The following GJB6 variants were observed in gnomAD, a reference collection of about 807,000 sequenced individuals.
GJB6 encodes gap junction beta-6 protein.
A neutral mutation model predicts 5.4 loss-of-function variants in GJB6; 5 were observed. The observed-to-expected ratio is 0.92, with a 90% CI of 0.48 to 1.93. The LOEUF (loss-of-function observed/expected upper bound fraction) is 1.93. Ranked by LOEUF, GJB6 falls within the 30% of genes most tolerant of loss-of-function variation. GJB6 has a pLI of 0.01. For missense variants in GJB6, 298 were observed against 326.9 expected, an observed-to-expected ratio of 0.91 and a Z score of 0.68; for synonymous variants, 136 against 129.6, an observed-to-expected ratio of 1.05 and a Z score of -0.34.
At position 20,224,872 on chromosome 13, in the gene GJB6, G is replaced by T. The variant is rs535241689; in HGVS notation, c.-15-1377C>A. ...TCTTAGACTTTCTTATCCCTGAGTGGGTGAGGGACACCTGTCAGCCTCCCC... is the reference window on the plus strand; with the variant it reads ...TCTTAGACTTTCTTATCCCTGAGTGTGTGAGGGACACCTGTCAGCCTCCCC... On this transcript the variant is annotated intron_variant, in intron 4 of 4. Transcript: ENST00000647029. Among the ~76,000 whole-genome samples, 3 of 152,162 alleles carry T rather than the reference G, an allele frequency of 2.0e-5. No homozygotes were observed. The South Asian group carries it at 6.2e-4, about 32-fold the overall frequency.
At chr13:20,231,710 C>G (rs908077927) in intron 1 of GJB6, among the ~76,000 whole-genome samples, 1 of 152,200 alleles carries the variant, frequency 6.6e-6, no homozygotes, top group Admixed American at 6.5e-5. Flanking sequence ...GGGGACACCC[C>G]GGTGACCCAC....
rs2137333664 is a variant in GJB6, at chr13:20,223,258, G to A, written c.223C>T (p.Arg75Trp). The A allele has an allele frequency of 1.2e-6, 2 of 1,611,762 alleles. No homozygotes were observed. Among genetic ancestry groups the A allele is most frequent in the Non-Finnish European group, 1.7e-6 (2 of 1,177,926 alleles). Residue 75 changes from arginine to tryptophan, a missense_variant, in exon 5 of 5, where the codon CGG becomes TGG. Physicochemically the swap from Arg to Trp is moderately radical, Grantham distance 101. Coordinates refer to ENST00000647029, the MANE Select transcript of GJB6 (RefSeq NM_001110219.3). The part of the protein sequence containing the change: ...YDHFFPVSHI[R>W]LWALQLIFVS... ...AAGATCAGCTGGAGGGCCCACAGCC[G>A]GATGTGGGACACCGGGAAAAAGTGG...
At position 20,232,251 on chromosome 13, in the gene GJB6, CG is replaced by C. The variant is rs1870141736; in HGVS notation, c.-478del. Reference sequence around the variant, plus strand: ...CTGCGCGGGGCGGCGCCCTTCGCTCCGGCTGGGCAGGCAGGTCGGGCTCGGG... The same window carrying C: ...CTGCGCGGGGCGGCGCCCTTCGCTCCGCTGGGCAGGCAGGTCGGGCTCGGG... On this transcript the variant is annotated 5_prime_UTR_variant, in exon 1 of 5. Transcript: ENST00000647029. 1 of 152,014 alleles carries C rather than the reference CG, an allele frequency of 6.6e-6. No homozygotes were observed. 9.4% of individuals were successfully genotyped at this position (152,014 alleles called of 1,614,324 possible). A position where few individuals can be genotyped will look rare whatever the true frequency, so the allele number is the denominator to read the frequency against.
intron 4 of GJB6, among the ~76,000 whole-genome samples, chr13:20,227,352 C>T (rs550167590): frequency 2.0e-5 from 3 of 152,018 alleles, no homozygotes; most frequent in East Asian, 3.9e-4. Flanking sequence ...AAGGAGATGC[C>T]GAGCTTGCTG....
chr13:20,228,754 G>A (rs936923975), intron 4 of GJB6, among the ~76,000 whole-genome samples: 5 of 151,838 alleles, frequency 3.3e-5, no homozygotes, highest in Non-Finnish European at 5.9e-5. Flanking sequence ...AAAGTGCTGG[G>A]ATTACAAGCA....
chr13:20,226,918 C>G (rs923149397), intron 4 of GJB6, among the ~76,000 whole-genome samples: 4 of 152,160 alleles, frequency 2.6e-5, no homozygotes, highest in Non-Finnish European at 5.9e-5. Flanking sequence ...TTCTCTAGCC[C>G]GTGGCCTGCC....
At position 20,223,183 on chromosome 13, in the gene GJB6, G is replaced by A. The variant is rs767824100; in HGVS notation, c.298C>T (p.His100Tyr). The A allele has an allele frequency of 6.2e-7, 1 of 1,612,956 alleles. No homozygotes were observed. Among genetic ancestry groups the A allele is most frequent in the East Asian group, 2.2e-5 (1 of 44,870 alleles). Residue 100 changes from histidine to tyrosine, a missense_variant, in exon 5 of 5, where the codon CAC (histidine) becomes TAC (tyrosine). By Grantham distance (83) the His-to-Tyr change is moderately conservative. Transcript: ENST00000647029. ...LVAMHVAYYR[H>Y]ETTRKFRRGE... The stretch of plus-strand genomic sequence containing the variant: ...CGCCTGAACTTGCGAGTGGTTTCGT[G>A]CCTGTAGTAGGCCACATGCATGGCC...
chr13:20,228,544 C>A (rs755428997), intron 4 of GJB6, among the ~76,000 whole-genome samples: 1 of 150,916 alleles, frequency 6.6e-6, no homozygotes, highest in Non-Finnish European at 1.5e-5. Context: ...AGTACCGTGG[C>A]ACGATCTCGG....
At position 20,226,180 on chromosome 13, in the gene GJB6, G is replaced by T. The variant is rs111268675; in HGVS notation, c.-15-2685C>A. Among the ~76,000 whole-genome samples, 858 of 152,204 alleles carry T rather than the reference G, an allele frequency of 5.6e-3. 15 individuals are homozygous for T. The highest frequency in any genetic ancestry group is 0.019 in the African/African-American group (770 of 41,522). ...ACACTAGCTTGAGGAAGACGCTGAG[G>T]CACAGGGCGGTGACCCTGGAATGTG... is the stretch of plus-strand genomic sequence containing the variant. On this transcript the variant is annotated intron_variant, in intron 4 of 4. Transcript: ENST00000647029.
chr13:20,223,908 G>A lies in GJB6; in HGVS notation c.-15-413C>T, dbSNP rs1365906866. On this transcript the variant is annotated intron_variant, in intron 4 of 4. Transcript: ENST00000647029. ...GGCGTGAACCAGGGAGGTGGAGCTT[G>A]CAGTGAGCCGAGATTGCACCACTGC... is the stretch of plus-strand genomic sequence containing the variant. Among the ~76,000 whole-genome samples the A allele has an allele frequency of 3.3e-5, 5 of 152,000 alleles. No homozygotes were observed. The East Asian group carries it at 9.6e-4, about 29-fold the overall frequency.
At chr13:20,228,546 C>G (rs927099257) in intron 4 of GJB6, among the ~76,000 whole-genome samples, 56 of 151,410 alleles carry the variant, frequency 3.7e-4, no homozygotes, top group African/African-American at 1.3e-3. Context: ...TACCGTGGCA[C>G]GATCTCGGCT....
intron 3 of GJB6, 52 bp from the exon 4 acceptor site, chr13:20,229,801 C>A (rs1381406940): frequency 9.3e-6 from 1 of 106,994 alleles, no homozygotes. Context: ...CTCCCCCCCC[C>A]CCCGCCCCCC....
intron 4 of GJB6, among the ~76,000 whole-genome samples, chr13:20,224,876 A>G (rs986367832): frequency 1.3e-5 from 2 of 152,232 alleles, no homozygotes; most frequent in East Asian, 3.9e-4. Context: ...TGAGTGGGTG[A>G]GGGACACCTG....
At position 20,229,123 on chromosome 13, in the gene GJB6, C is replaced by CAAA. The variant is rs5802041; in HGVS notation, c.-16+454_-16+456dup. ...CTGTTCCCCTTTCAATGTCATTTAG[C>CAAA]AAAAAAAAAAAAAAAAAAAAAAAAA... is the stretch of plus-strand genomic sequence containing the variant. On this transcript the variant is annotated intron_variant, in intron 4 of 4. Coordinates refer to ENST00000647029, the MANE Select transcript of GJB6 (RefSeq NM_001110219.3). Among the ~76,000 whole-genome samples, 191 of 43,794 alleles carry CAAA rather than the reference C, an allele frequency of 4.4e-3. 2 individuals carry two copies. Among genetic ancestry groups the CAAA allele is most frequent in the Middle Eastern group, 0.023 (1 of 44 alleles). 28.7% of individuals were successfully genotyped at this position (43,794 alleles called of 152,430 possible).
chr13:20,227,967 C>CCCAG (rs922760343), intron 4 of GJB6, among the ~76,000 whole-genome samples: 2 of 151,788 alleles, frequency 1.3e-5, no homozygotes, highest in African/African-American at 4.9e-5. Flanking sequence ...TGCAGAGGGG[C>CCCAG]CCAGAGGAAG....
Position 20,222,903 on chromosome 13 carries a change from A to T in GJB6, c.578T>A (p.Ile193Asn). The T allele has an allele frequency of 6.2e-7, 1 of 1,614,162 alleles. No homozygotes were observed. The highest frequency in any genetic ancestry group is 1.3e-5 in the African/African-American group (1 of 75,038). Residue 193 changes from isoleucine (I) to asparagine (N), a missense_variant, in exon 5 of 5, where the codon ATT (isoleucine) becomes AAT (asparagine). Transcript: ENST00000647029. ...SRPTEKTVFT[I>N]FMISASVICM... Reference sequence around the variant, plus strand: ...AATCACAGACGCAGAAATCATAAAAATGGTAAACACGGTCTTCTCTGTTGG... The same window carrying T: ...AATCACAGACGCAGAAATCATAAAATTGGTAAACACGGTCTTCTCTGTTGG...
At chr13:20,230,921 C>T (rs1870037474) in intron 2 of GJB6, 114 bp from the exon 3 acceptor site, 1 of 152,232 alleles carries the variant, frequency 6.6e-6, no homozygotes, top group Admixed American at 6.5e-5. Flanking sequence ...TGACCAGCGT[C>T]TTCCCAGCTT....
Position 20,222,446 on chromosome 13 carries a change from A to G in GJB6, c.*249T>C, listed in dbSNP as rs928680831. 17 of 501,908 alleles carry G rather than the reference A, an allele frequency of 3.4e-5. No homozygotes were observed. The highest frequency in any genetic ancestry group is 1.1e-4 in the Admixed American group (3 of 27,734). The allele number at this position is 501,908 out of a possible 1,614,324, so 31.1% of individuals were successfully genotyped here. On this transcript the variant is annotated 3_prime_UTR_variant, in exon 5 of 5. Coordinates refer to ENST00000647029, the MANE Select transcript of GJB6 (RefSeq NM_001110219.3). ...CACTTTGTCAGAGAGTCCACTTAAA[A>G]GGAACCTGTCAAAGTGACTGCAATG...
chr13:20,226,086 G>T (rs185001798), intron 4 of GJB6, among the ~76,000 whole-genome samples: 1 of 152,132 alleles, frequency 6.6e-6, no homozygotes, highest in Non-Finnish European at 1.5e-5. Flanking sequence ...GCCCTCGGGG[G>T]CGCATCAACA....
Sources: allele counts gnomAD v4.1 joint callset (sites outside exome capture counted in the v4.1 genomes callset), GRCh38; gene constraint gnomAD v4.1.1; transcripts MANE v1.5; gene names NCBI Gene and HGNC (gene_info 2026-07-23, HGNC 2026-07-21).